The following DYRK1A variants were observed in gnomAD, a reference collection of about 807,000 sequenced individuals.
DYRK1A encodes dual specificity tyrosine phosphorylation regulated kinase 1A.
Under a neutral mutation model 79.7 loss-of-function variants are expected in DYRK1A, and 9 were observed. The observed-to-expected ratio is 0.11, with a 90% CI of 0.07 to 0.20. The LOEUF is 0.20. Among genes scored for constraint, DYRK1A ranks in the 10% least tolerant of loss-of-function variants. The pLI is 1.00. For synonymous variants in DYRK1A, 349 were observed against 329.7 expected (o/e 1.06, Z -0.63); for missense variants, 622 against 956.0 (o/e 0.65, Z 4.61).
At chr21:37,413,150 G>A (rs2050273925) in intron 1 of DYRK1A, among the ~76,000 whole-genome samples, 1 of 152,132 alleles carries the variant, frequency 6.6e-6, no homozygotes, top group African/African-American at 2.4e-5. Context: ...GTGTGGGAGG[G>A]GAAGTAAGTA....
chr21:37,485,780 G>A (rs999089213), intron 5 of DYRK1A, among the ~76,000 whole-genome samples: 2 of 152,148 alleles, frequency 1.3e-5, no homozygotes, highest in African/African-American at 4.8e-5. Flanking sequence ...AAATGAGTCA[G>A]ATTTCAAGTG....
Position 37,520,064 on chromosome 21 carries a change from C to T in DYRK1A, c.*7533C>T, listed in dbSNP as rs8131330. 1.3e-5 allele frequency: 2 copies of T among 152,026 alleles called. No individual in the cohort carries two copies. The highest frequency in any genetic ancestry group is 2.1e-4 in the South Asian group (1 of 4,832). 9.4% of individuals were successfully genotyped at this position (152,026 alleles called of 1,614,324 possible). ...CGGTAGTTTGCTTTGCCTTGATAAACTATATGATATTTAAATGTTTTATAA... is the reference window on the plus strand; with the variant it reads ...CGGTAGTTTGCTTTGCCTTGATAAATTATATGATATTTAAATGTTTTATAA... On this transcript the variant is annotated 3_prime_UTR_variant, in exon 12 of 12. Transcript: ENST00000647188.
chr21:37,490,950 A>C (rs1471024197), intron 7 of DYRK1A, among the ~76,000 whole-genome samples: 1 of 152,172 alleles, frequency 6.6e-6, no homozygotes, highest in Non-Finnish European at 1.5e-5. Flanking sequence ...TCTTTGCTGT[A>C]AAATACTTCT....
intron 2 of DYRK1A, among the ~76,000 whole-genome samples, chr21:37,430,813 T>A (rs1223039942): frequency 6.6e-6 from 1 of 152,206 alleles, no homozygotes; most frequent in Non-Finnish European, 1.5e-5. Flanking sequence ...CACTTGTGTT[T>A]GAGCGGCTGG....
At chr21:37,511,024 A>G (rs945082316) in intron 11 of DYRK1A, among the ~76,000 whole-genome samples, 6 of 152,198 alleles carry the variant, frequency 3.9e-5, no homozygotes, top group Non-Finnish European at 8.8e-5. Context: ...CATCCAAGCA[A>G]TAAGAAAATC....
chr21:37,476,641 G>A (rs1184533070), intron 3 of DYRK1A, among the ~76,000 whole-genome samples: 2 of 152,122 alleles, frequency 1.3e-5, no homozygotes, highest in Non-Finnish European at 1.5e-5. Context: ...AAAAACTGAC[G>A]TTTATTACCC....
intron 1 of DYRK1A, among the ~76,000 whole-genome samples, chr21:37,412,439 T>C (rs1489166660): frequency 6.6e-6 from 1 of 152,226 alleles, no homozygotes; most frequent in African/African-American, 2.4e-5. Context: ...CTGTAACATC[T>C]TGTTAAAACA....
intron 2 of DYRK1A, among the ~76,000 whole-genome samples, chr21:37,451,804 A>C (rs1187666107): frequency 6.6e-6 from 1 of 152,212 alleles, no homozygotes; most frequent in Non-Finnish European, 1.5e-5. Context: ...TTCTGAGGGA[A>C]GAATGGAGTA....
At chr21:37,400,957 A>G (rs1424408053) in intron 1 of DYRK1A, among the ~76,000 whole-genome samples, 2 of 152,108 alleles carry the variant, frequency 1.3e-5, no homozygotes, top group East Asian at 3.9e-4. Context: ...CAGCCTGGCC[A>G]ACATGATGAG....
rs772471765 is a variant in DYRK1A, at chr21:37,486,619, A to G, written c.637+5A>G. ...CTGAAATGAAATACTACATAGGTAA[A>G]CAAACAGGCAAACAGCGCAGTGTGC... On this transcript the variant is annotated splice_donor_5th_base_variant and intron_variant, in intron 6 of 11. Coordinates refer to ENST00000647188, the MANE Select transcript of DYRK1A (RefSeq NM_001347721.2). 2.6e-6 allele frequency: 4 copies of G among 1,550,558 alleles called. No individual in the cohort carries two copies. Among genetic ancestry groups the G allele is most frequent in the Non-Finnish European group, 8.7e-7 (1 of 1,149,792 alleles).
intron 1 of DYRK1A, among the ~76,000 whole-genome samples, chr21:37,372,436 G>A (rs892799247): frequency 2.7e-5 from 4 of 147,252 alleles, no homozygotes; most frequent in African/African-American, 1.0e-4. Context: ...GTGACAGAGT[G>A]GAGCACTGTC....
chr21:37,397,008 C>T (rs1436825565), intron 1 of DYRK1A, among the ~76,000 whole-genome samples: 1 of 152,086 alleles, frequency 6.6e-6, no homozygotes, highest in East Asian at 1.9e-4. Context: ...AGGGTATAGT[C>T]CTCGTGTGTT....
intron 1 of DYRK1A, among the ~76,000 whole-genome samples, chr21:37,401,286 A>G (rs1169101860): frequency 3.3e-5 from 5 of 152,164 alleles, no homozygotes; most frequent in Admixed American, 6.5e-5. Flanking sequence ...AAAGATGTTC[A>G]CACTTAGAAA....
In DYRK1A at chr21:37,440,130, CTTTTTTTTTT is replaced by C. The variant is rs1164986221; in HGVS notation, c.10+19760_10+19769del. ...CCGTTGACTTTGATTTTGTTTGCTC[CTTTTTTTTTT>C]TTTTTTTTTTTTTGAGACGGAGTTT... is the stretch of plus-strand genomic sequence containing the variant. On this transcript the variant is annotated intron_variant, in intron 2 of 11. Coordinates refer to ENST00000647188, the MANE Select transcript of DYRK1A (RefSeq NM_001347721.2). Among the ~76,000 whole-genome samples the C allele has an allele frequency of 1.2e-3, 47 of 37,760 alleles. 3 individuals are homozygous for C. Among genetic ancestry groups the C allele is most frequent in the Admixed American group, 5.4e-3 (13 of 2,406 alleles). The allele number at this position is 37,760 out of a possible 152,430, so 24.8% of individuals were successfully genotyped here.
rs2053948895 is a variant in DYRK1A at position 37,523,495 on chromosome 21, G to A, written c.*10964G>A. ...ATTCATTATGTTCTAATGACTATGA[G>A]GGAAGCTTTAGTTTTTGTCTCCCTG... is the stretch of plus-strand genomic sequence containing the variant. On this transcript the variant is annotated 3_prime_UTR_variant, in exon 12 of 12. Coordinates refer to ENST00000647188, the MANE Select transcript of DYRK1A (RefSeq NM_001347721.2). 2 of 152,208 alleles carry A rather than the reference G, an allele frequency of 1.3e-5. No individual in the cohort carries two copies. 9.4% of individuals were successfully genotyped at this position (152,208 alleles called of 1,614,324 possible).
intron 9 of DYRK1A, chr21:37,502,018 TCTG>T (rs1254425185): frequency 6.6e-6 from 1 of 152,252 alleles, no homozygotes; most frequent in African/African-American, 2.4e-5. Context: ...TGTCTTTAAG[TCTG>T]CTTTGTCCGA....
chr21:37,470,582 G>C (rs995134452), intron 2 of DYRK1A, among the ~76,000 whole-genome samples: 2 of 152,178 alleles, frequency 1.3e-5, no homozygotes, highest in African/African-American at 4.8e-5. Context: ...AAATTTGCCA[G>C]TCACAGCCTT....
chr21:37,465,020 A>G (rs915600472), intron 2 of DYRK1A, among the ~76,000 whole-genome samples: 12 of 152,232 alleles, frequency 7.9e-5, no homozygotes, highest in Non-Finnish European at 1.5e-5. Flanking sequence ...AATTAAACTT[A>G]GGTTTATTCT....
intron 2 of DYRK1A, among the ~76,000 whole-genome samples, chr21:37,457,028 ACTTAC>A (rs1569339468): frequency 3.9e-5 from 3 of 77,836 alleles, no homozygotes; most frequent in African/African-American, 1.6e-4. Flanking sequence ...TTACTTACTT[ACTTAC>A]TTACTTATTT....
Sources: allele counts gnomAD v4.1 joint callset (sites outside exome capture counted in the v4.1 genomes callset), GRCh38; gene constraint gnomAD v4.1.1; transcripts MANE v1.5; gene names NCBI Gene and HGNC (gene_info 2026-07-23, HGNC 2026-07-21).